The following PTPRD variants were observed in gnomAD, a reference collection of about 807,000 sequenced individuals.
The protein encoded by PTPRD is receptor-type tyrosine-protein phosphatase delta.
PTPRD carries 34 observed loss-of-function variants against 214.5 expected under a neutral mutation model. That is an observed-to-expected ratio of 0.16 (90% CI 0.12 to 0.21). PTPRD has a LOEUF of 0.21. PTPRD is among the 10% of genes least tolerant of loss of function. The probability of loss-of-function intolerance (pLI) is 1.00; values close to 1 mark genes in which losing one functional copy is unlikely to be tolerated. For missense variants in PTPRD, 2,545 were observed against 2,398.7 expected (o/e 1.06, Z -1.27); for synonymous variants, 1,128 against 845.7 (o/e 1.33, Z -5.79).
intron 8 of PTPRD, among the ~76,000 whole-genome samples, chr9:9,530,859 A>G (rs925763957): frequency 6.6e-6 from 1 of 152,128 alleles, no homozygotes; most frequent in Non-Finnish European, 1.5e-5. Context: ...AGAACATGCA[A>G]TGATGGATAC....
At chr9:9,789,265 C>A (rs984869386) in intron 5 of PTPRD, among the ~76,000 whole-genome samples, 6 of 152,272 alleles carry the variant, frequency 3.9e-5, no homozygotes, top group African/African-American at 1.4e-4. Flanking sequence ...AGGTAAGCAT[C>A]ATCAAGCGGA....
At chr9:10,516,018 T>A (rs980973577) in intron 2 of PTPRD, among the ~76,000 whole-genome samples, 3 of 152,000 alleles carry the variant, frequency 2.0e-5, no homozygotes, top group African/African-American at 7.2e-5. Flanking sequence ...TTATTGTGAA[T>A]AGAGATGCAG....
chr9:8,510,972 C>T (rs1329270493), intron 21 of PTPRD, among the ~76,000 whole-genome samples: 3 of 152,114 alleles, frequency 2.0e-5, no homozygotes, highest in African/African-American at 7.2e-5. Context: ...ATTGGGTCTA[C>T]AGAGGTTCCA....
intron 7 of PTPRD, among the ~76,000 whole-genome samples, chr9:9,577,106 G>T (rs140675056): frequency 1.4e-4 from 22 of 152,222 alleles, no homozygotes; most frequent in African/African-American, 5.3e-4. Flanking sequence ...TTCCAGAAAT[G>T]ATATTCAAAG....
At chr9:8,549,963 G>C (rs1362508590) in intron 14 of PTPRD, among the ~76,000 whole-genome samples, 2 of 152,110 alleles carry the variant, frequency 1.3e-5, no homozygotes, top group Non-Finnish European at 2.9e-5. Flanking sequence ...TCTGAAAGAA[G>C]ATTAAAATTA....
intron 8 of PTPRD, among the ~76,000 whole-genome samples, chr9:9,412,909 C>T (rs2141997489): frequency 6.6e-6 from 1 of 152,020 alleles, no homozygotes; most frequent in East Asian, 1.9e-4. Context: ...ATGAATAAAT[C>T]TCACTAAGGA....
chr9:9,949,201 TGA>T lies in PTPRD; in HGVS notation c.-471-10593_-471-10592del, dbSNP rs199977972. On this transcript the variant is annotated intron_variant, in intron 4 of 45. Transcript: ENST00000381196. ...TTAAAAAGTGTTTCATTAATGTTTATGAGTTTCTCATTTTTTATATTTTCCAC... is the reference window on the plus strand; with the variant it reads ...TTAAAAAGTGTTTCATTAATGTTTATGTTTCTCATTTTTTATATTTTCCAC... Among the ~76,000 whole-genome samples, 29 of 152,268 alleles carry T rather than the reference TGA, an allele frequency of 1.9e-4. No homozygotes were observed. The East Asian group carries it at 5.4e-3, about 28-fold the overall frequency.
chr9:10,131,106 C>G (rs1484940581), intron 3 of PTPRD, among the ~76,000 whole-genome samples: 1 of 152,114 alleles, frequency 6.6e-6, no homozygotes, highest in Non-Finnish European at 1.5e-5. Flanking sequence ...GAGGAGGTCA[C>G]AGAAAACTGG....
At chr9:9,487,123 A>C (rs2095673861) in intron 8 of PTPRD, among the ~76,000 whole-genome samples, 1 of 152,116 alleles carries the variant, frequency 6.6e-6, no homozygotes, top group South Asian at 2.1e-4. Context: ...GGTTGGTTAC[A>C]TATGTATACA....
At chr9:8,973,440 C>A (rs1055461018) in intron 11 of PTPRD, among the ~76,000 whole-genome samples, 7 of 152,010 alleles carry the variant, frequency 4.6e-5, no homozygotes, top group Non-Finnish European at 1.0e-4. Context: ...ACATATGTAT[C>A]ACATTTTCTT....
chr9:8,459,834 T>G (rs1325275434), intron 33 of PTPRD, among the ~76,000 whole-genome samples: 2 of 152,130 alleles, frequency 1.3e-5, no homozygotes, highest in Non-Finnish European at 2.9e-5. Flanking sequence ...AATTCACCAG[T>G]GCAGATGTGG....
chr9:9,968,719 G>A (rs1034684517), intron 4 of PTPRD, among the ~76,000 whole-genome samples: 1 of 151,998 alleles, frequency 6.6e-6, no homozygotes, highest in Admixed American at 6.6e-5. Flanking sequence ...AAAAAAGCTA[G>A]GTCACAGAAA....
chr9:9,961,188 T>C (rs7874034), intron 4 of PTPRD, among the ~76,000 whole-genome samples: 36,726 of 152,006 alleles, frequency 0.24, 6,160 homozygotes, highest in African/African-American at 0.49. Context: ...TAAATATAGC[T>C]CACAAGCAGA....
intron 11 of PTPRD, among the ~76,000 whole-genome samples, chr9:8,963,369 G>A (rs887131354): frequency 1.3e-5 from 2 of 151,980 alleles, no homozygotes; most frequent in South Asian, 2.1e-4. Context: ...TGGTAATACG[G>A]GTGTTCACAT....
chr9:9,733,669 AG>A lies in PTPRD; in HGVS notation c.-287+863del, dbSNP rs1334555010. On this transcript the variant is annotated intron_variant, in intron 7 of 45. Coordinates refer to ENST00000381196, the MANE Select transcript of PTPRD (RefSeq NM_002839.4). ...ATGGAGTACAAGATTGTATTTCTGCAGTCCATCAAGTTAGAATCTCATTCTT... is the reference window on the plus strand; with the variant it reads ...ATGGAGTACAAGATTGTATTTCTGCATCCATCAAGTTAGAATCTCATTCTT... 2.6e-5 allele frequency among the ~76,000 whole-genome samples: 4 copies of A among 152,290 alleles called. No individual in the cohort carries two copies. In the East Asian group the frequency reaches 7.7e-4, roughly 29 times the overall value.
At chr9:9,343,382 A>G (rs1250274361) in intron 9 of PTPRD, among the ~76,000 whole-genome samples, 4 of 152,140 alleles carry the variant, frequency 2.6e-5, no homozygotes, top group African/African-American at 9.7e-5. Flanking sequence ...CCCCTCTAGC[A>G]TCTGTTGTTT....
At chr9:8,379,743 C>T (rs572219433) in intron 37 of PTPRD, among the ~76,000 whole-genome samples, 1 of 152,252 alleles carries the variant, frequency 6.6e-6, no homozygotes, top group South Asian at 2.1e-4. Context: ...AGGCAGCTCC[C>T]TTTGAGTACA....
intron 3 of PTPRD, among the ~76,000 whole-genome samples, chr9:10,313,810 T>C (rs1359664382): frequency 6.6e-6 from 1 of 151,938 alleles, no homozygotes; most frequent in Non-Finnish European, 1.5e-5. Context: ...AGGCCTTCCA[T>C]AATACCTTTC....
chr9:9,993,014 A>G (rs1038715524), intron 4 of PTPRD, among the ~76,000 whole-genome samples: 5 of 152,164 alleles, frequency 3.3e-5, no homozygotes, highest in African/African-American at 4.8e-5. Flanking sequence ...TTAGATGCCA[A>G]TGTGAACTTT....
Sources: gnomAD v4.1 joint callset for allele counts (sites outside exome capture counted in the v4.1 genomes callset) on GRCh38, gnomAD v4.1.1 for gene constraint, MANE v1.5 for transcripts, NCBI Gene and HGNC (gene_info 2026-07-23, HGNC 2026-07-21) for gene names.